Variants in TPTE2 observed in about 807,000 individuals in gnomAD.
TPTE2 encodes transmembrane phosphoinositide 3-phosphatase and tensin homolog 2.
In TPTE2, 53 loss-of-function variants were observed where a neutral mutation model predicts 78.6. The observed-to-expected ratio is 0.67, with a 90% CI of 0.54 to 0.85. The LOEUF (loss-of-function observed/expected upper bound fraction) is 0.85. Among genes scored for constraint, TPTE2 ranks in the 40% least tolerant of loss-of-function variants. TPTE2 has a pLI of 0.00. For missense variants in TPTE2, 461 were observed against 623.0 expected (o/e 0.74, Z 2.77); for synonymous variants, 175 against 206.2 (o/e 0.85, Z 1.30).
intron 16 of TPTE2, among the ~76,000 whole-genome samples, chr13:19,431,305 A>G (rs571833304): frequency 1.1e-4 from 17 of 152,220 alleles, no homozygotes; most frequent in Middle Eastern, 3.4e-3. Context: ...TCTCTATAAA[A>G]ATATAGGATA....
chr13:19,502,754 T>A (rs1868696974), intron 1 of TPTE2, among the ~76,000 whole-genome samples: 1 of 151,514 alleles, frequency 6.6e-6, no homozygotes. Context: ...CATATGTAAC[T>A]AACCTGCACA....
At chr13:19,447,015 G>A (rs904210208) in intron 13 of TPTE2, among the ~76,000 whole-genome samples, 1 of 151,992 alleles carries the variant, frequency 6.6e-6, no homozygotes, top group Admixed American at 6.6e-5. Flanking sequence ...CAACATGTGG[G>A]GAGAATATAA....
intron 3 of TPTE2, among the ~76,000 whole-genome samples, chr13:19,488,339 C>T (rs557241811): frequency 6.6e-6 from 1 of 152,308 alleles, no homozygotes; most frequent in East Asian, 1.9e-4. Flanking sequence ...AGAGAATTGG[C>T]CTCTGCTTTG....
chr13:19,503,400 G>C, upstream of TPTE2: 8 of 992,688 alleles, frequency 8.1e-6, no homozygotes, highest in South Asian at 1.5e-5. Context: ...CATGTGTATA[G>C]CACTATTTGG....
At chr13:19,457,662 A>G (rs1464852912) in intron 10 of TPTE2, among the ~76,000 whole-genome samples, 1 of 152,196 alleles carries the variant, frequency 6.6e-6, no homozygotes, top group Non-Finnish European at 1.5e-5. Flanking sequence ...TGAGGATATC[A>G]GCTTCCAGCT....
Position 19,522,895 on chromosome 13 carries a change from G to A in TPTE2, c.-44+13701C>T, listed in dbSNP as rs553567005. Among the ~76,000 whole-genome samples, 7 of 152,040 alleles carry A rather than the reference G, an allele frequency of 4.6e-5. No individual in the cohort carries two copies. The South Asian group carries it at 1.5e-3, about 32-fold the overall frequency. Reference sequence around the variant, plus strand: ...CCCGCCTCAGCCTCCCAAAGTGCTGGAATTACAGGCATGAGCCACTGCACC... The same window carrying A: ...CCCGCCTCAGCCTCCCAAAGTGCTGAAATTACAGGCATGAGCCACTGCACC... On this transcript the variant is annotated intron_variant, in intron 1 of 17. Transcript: ENST00000390680.
At chr13:19,452,018 T>A (rs1056220737) in intron 10 of TPTE2, among the ~76,000 whole-genome samples, 2 of 152,072 alleles carry the variant, frequency 1.3e-5, no homozygotes, top group Admixed American at 6.6e-5. Flanking sequence ...AACTGATTAG[T>A]ATGGTACCCT....
intron 10 of TPTE2, among the ~76,000 whole-genome samples, chr13:19,451,643 C>T (rs1011749761): frequency 6.6e-6 from 1 of 152,024 alleles, no homozygotes; most frequent in Non-Finnish European, 1.5e-5. Context: ...TCTATCTAAG[C>T]ACTATGGAAA....
At chr13:19,547,087 CA>C in the TPTE2 span, among the ~76,000 whole-genome samples, 42 of 142,890 alleles carry the variant, frequency 2.9e-4, no homozygotes, top group Admixed American at 2.8e-4. Flanking sequence ...TAAAAGTTAC[CA>C]AAAAAAAAAA....
chr13:19,465,197 T>C, intron 9 of TPTE2, 58 bp downstream of exon 12: 1 of 1,607,154 alleles, frequency 6.2e-7, no homozygotes. Flanking sequence ...GGCAAAAAAA[T>C]ACAATTACAA....
chr13:19,540,826 A>G (rs1871418586), upstream of TPTE2, among the ~76,000 whole-genome samples: 1 of 152,246 alleles, frequency 6.6e-6, no homozygotes, highest in African/African-American at 2.4e-5. Context: ...CTTATGATTT[A>G]ACCATAGATT....
intron 1 of TPTE2, among the ~76,000 whole-genome samples, chr13:19,495,412 T>C (rs751989210): frequency 4.6e-5 from 7 of 152,224 alleles, no homozygotes; most frequent in Non-Finnish European, 1.0e-4. Context: ...TGGTCCACAC[T>C]ACTAGCACAG....
intron 6 of TPTE2, among the ~76,000 whole-genome samples, chr13:19,473,197 A>G (rs1296563132): frequency 6.6e-6 from 1 of 152,184 alleles, no homozygotes; most frequent in Non-Finnish European, 1.5e-5. Flanking sequence ...GACCTGCTGT[A>G]ACCACTCCTT....
At chr13:19,497,053 A>T (rs1881369649) in intron 1 of TPTE2, among the ~76,000 whole-genome samples, 1 of 152,152 alleles carries the variant, frequency 6.6e-6, no homozygotes, top group Non-Finnish European at 1.5e-5. Context: ...GCACCTGGAA[A>T]ATCGGGTCAC....
upstream of TPTE2, among the ~76,000 whole-genome samples, chr13:19,541,735 A>T (rs1871441473): frequency 6.6e-6 from 1 of 152,148 alleles, no homozygotes; most frequent in African/African-American, 2.4e-5. Flanking sequence ...TCCATTGTTA[A>T]ATTACCCTGA....
At chr13:19,427,303 T>C (rs1422557391) in intron 17 of TPTE2, among the ~76,000 whole-genome samples, 2 of 151,410 alleles carry the variant, frequency 1.3e-5, no homozygotes, top group Non-Finnish European at 2.9e-5. Context: ...CAGAATGGTC[T>C]CGATCTCTTG....
intron 1 of TPTE2, among the ~76,000 whole-genome samples, 168 bp downstream of exon 4, chr13:19,503,056 T>C (rs1304250647): frequency 2.0e-5 from 3 of 152,174 alleles, no homozygotes; most frequent in Non-Finnish European, 4.4e-5. Flanking sequence ...TCTGTCTCCT[T>C]GTATGTTTCC....
intron 1 of TPTE2, among the ~76,000 whole-genome samples, chr13:19,529,377 T>C (rs1180462549): frequency 2.0e-5 from 3 of 152,150 alleles, no homozygotes; most frequent in African/African-American, 7.2e-5. Flanking sequence ...TCCGCCCGCC[T>C]CAGCCTCCCA....
chr13:19,561,274 C>CA, the TPTE2 span: 3 of 1,163,350 alleles, frequency 2.6e-6, no homozygotes, highest in Non-Finnish European at 3.6e-6. Flanking sequence ...GGTCACCTGA[C>CA]ACGCGGCTGC....
Sources: allele counts gnomAD v4.1 joint callset (sites outside exome capture counted in the v4.1 genomes callset), GRCh38; gene constraint gnomAD v4.1.1; transcripts MANE v1.5; gene names NCBI Gene and HGNC (gene_info 2026-07-23, HGNC 2026-07-21).